OR2M3: variants seen among roughly 807,000 people sequenced by gnomAD.
The protein encoded by OR2M3 is olfactory receptor family 2 subfamily M member 3.
A neutral mutation model predicts 4.3 loss-of-function variants in OR2M3; 1 was observed. That is an observed-to-expected ratio of 0.23 (90% confidence interval 0.08 to 1.11). The LOEUF (loss-of-function observed/expected upper bound fraction) is 1.11. Among genes scored for constraint, OR2M3 ranks in the 50% most tolerant of loss-of-function variants. The pLI is 0.54. For synonymous variants in OR2M3, 151 were observed against 139.4 expected (o/e 1.08, Z -0.59); for missense variants, 410 against 390.4 (o/e 1.05, Z -0.42).
rs1246423375 is a variant in OR2M3, at chr1:248,203,059, A to G, written c.-9A>G. The G allele has an allele frequency of 1.2e-6, 2 of 1,606,460 alleles. No individual in the cohort carries two copies. Among genetic ancestry groups the G allele is most frequent in the Non-Finnish European group, 1.7e-6 (2 of 1,176,234 alleles). Reference sequence around the variant, plus strand: ...GGTTTTGTGGTACTAGGTAAAAAGCATACACATCATGGCAAGGGAGAATTC... The same window carrying G: ...GGTTTTGTGGTACTAGGTAAAAAGCGTACACATCATGGCAAGGGAGAATTC... On this transcript the variant is annotated 5_prime_UTR_variant, in exon 2 of 2. Transcript: ENST00000641626.
intron 1 of OR2M3, among the ~76,000 whole-genome samples, chr1:248,202,540 A>C (rs79793908): frequency 0.011 from 1,742 of 152,280 alleles, 38 homozygotes; most frequent in African/African-American, 0.039. Flanking sequence ...TACTGTATAG[A>C]AAACTTACTA....
In OR2M3 at chr1:248,203,861, A is replaced by G. The variant is rs757901866; in HGVS notation, c.794A>G (p.Asp265Gly). Residue 265 changes from aspartate (D) to glycine (G), a missense_variant, in exon 2 of 2, where the codon GAT (aspartate) becomes GGT (glycine). Physicochemically the swap from Asp to Gly is moderately conservative, Grantham distance 94. Transcript: ENST00000641626. ...TTCATGTACATACGGCCCACATCTG[A>G]TCGCTCCCCAACACAGGACAAGATG... Reference protein sequence around the residue: ...ALFMYIRPTSDRSPTQDKMVS... With the variant: ...ALFMYIRPTSGRSPTQDKMVS... 5 of 1,613,404 alleles carry G rather than the reference A, an allele frequency of 3.1e-6. No homozygotes were observed. The highest frequency in any genetic ancestry group is 4.2e-6 in the Non-Finnish European group (5 of 1,179,792).
Position 248,204,026 on chromosome 1 carries a change from G to A in OR2M3, c.*20G>A. On this transcript the variant is annotated 3_prime_UTR_variant, in exon 2 of 2. Coordinates refer to ENST00000641626, the MANE Select transcript of OR2M3 (RefSeq NM_001004689.2). ...GAGTGAGTTACCTAATAAACTTCAT[G>A]TTTTGCTGTGTGCTAAATCCTTTTT... is the stretch of plus-strand genomic sequence containing the variant. 1 of 1,611,998 alleles carries A rather than the reference G, an allele frequency of 6.2e-7. No individual in the cohort carries two copies. The highest frequency in any genetic ancestry group is 8.5e-7 in the Non-Finnish European group (1 of 1,178,384).
chr1:248,209,765 G>T lies in OR2M3; in HGVS notation c.*5759G>T, dbSNP rs1005501635. ...TTTTGTTTATTGTGCTGCTTGTTTT[G>T]TTGGCCTTCAGCCAGGAGGTAGTGC... On this transcript the variant is annotated 3_prime_UTR_variant, in exon 2 of 2. Transcript: ENST00000641626. The T allele has an allele frequency of 6.6e-6, 1 of 152,462 alleles. No individual in the cohort carries two copies. Among genetic ancestry groups the T allele is most frequent in the Non-Finnish European group, 1.5e-5 (1 of 68,270 alleles). 9.4% of individuals were successfully genotyped at this position (152,462 alleles called of 1,614,324 possible). A position where few individuals can be genotyped will look rare whatever the true frequency, so the allele number is the denominator to read the frequency against.
rs1183451646 is a variant in OR2M3, at chr1:248,204,842, G to C, written c.*836G>C. ...AGATCAAAAGGTAGATCCACTTTTA[G>C]TTCTTTAAGGAATGTTCACACTGTT... On this transcript the variant is annotated 3_prime_UTR_variant, in exon 2 of 2. Transcript: ENST00000641626. 2 of 151,732 alleles carry C rather than the reference G, an allele frequency of 1.3e-5. No individual in the cohort carries two copies. Among genetic ancestry groups the C allele is most frequent in the Non-Finnish European group, 2.9e-5 (2 of 67,962 alleles). The allele number at this position is 151,732 out of a possible 1,614,324, so 9.4% of individuals were successfully genotyped here.
In OR2M3 at chr1:248,203,535, A is replaced by G; in HGVS notation, c.468A>G (p.Gly156=). 6.2e-7 allele frequency: 1 copy of G among 1,613,552 alleles called. No individual in the cohort carries two copies. Among genetic ancestry groups the G allele is most frequent in the Non-Finnish European group, 8.5e-7 (1 of 1,179,758 alleles). The change falls in exon 2 of 2, where the codon GGA becomes GGG. Residue 156 remains glycine (G), a synonymous_variant. Coordinates refer to ENST00000641626, the MANE Select transcript of OR2M3 (RefSeq NM_001004689.2). ...CCTGGATCCTGGGCTCTACGGATGG[A>G]ATTATTGATGTTGTAGCAACATTTT... ...AFSWILGSTD[G]IIDVVATFSF...
chr1:248,198,491 G>A (rs758803412), intron 1 of OR2M3, among the ~76,000 whole-genome samples: 10 of 152,074 alleles, frequency 6.6e-5, no homozygotes, highest in Non-Finnish European at 1.2e-4. Flanking sequence ...TTGTTGTTTT[G>A]TGTTGTTTCC....
intron 1 of OR2M3, among the ~76,000 whole-genome samples, chr1:248,200,198 T>C (rs997872910): frequency 9.2e-5 from 14 of 152,092 alleles, no homozygotes; most frequent in Non-Finnish European, 2.9e-5. Flanking sequence ...GGTAATATAG[T>C]TTTGTTTGCA....
intron 1 of OR2M3, among the ~76,000 whole-genome samples, chr1:248,198,531 C>G (rs1269929064): frequency 6.6e-6 from 1 of 152,082 alleles, no homozygotes; most frequent in African/African-American, 2.4e-5. Context: ...AGGGTAAAGT[C>G]AGTTTAGCAA....
rs1336212185 is a variant in OR2M3 at position 248,212,769 on chromosome 1, T to C, written c.*8763T>C. 1 of 152,072 alleles carries C rather than the reference T, an allele frequency of 6.6e-6. No homozygotes were observed. The highest frequency in any genetic ancestry group is 2.4e-5 in the African/African-American group (1 of 41,436). 9.4% of individuals were successfully genotyped at this position (152,072 alleles called of 1,614,324 possible). A position where few individuals can be genotyped will look rare whatever the true frequency, so the allele number is the denominator to read the frequency against. On this transcript the variant is annotated 3_prime_UTR_variant, in exon 2 of 2. Coordinates refer to ENST00000641626, the MANE Select transcript of OR2M3 (RefSeq NM_001004689.2). ...TGTCTTTGTTTCCAGTCTCACCTAC[T>C]TTCAGCAGACAGGACAATATTTATT... is the stretch of plus-strand genomic sequence containing the variant.
At chr1:248,201,449 T>TTTA (rs1477575161) in intron 1 of OR2M3, among the ~76,000 whole-genome samples, 1 of 152,090 alleles carries the variant, frequency 6.6e-6, no homozygotes, top group Admixed American at 6.6e-5. Context: ...TTTTATTATT[T>TTTA]TTATTATTAT....
Position 248,212,881 on chromosome 1 carries a change from C to T in OR2M3, c.*8875C>T, listed in dbSNP as rs1008100475. The T allele has an allele frequency of 1.3e-5, 2 of 151,530 alleles. No individual in the cohort carries two copies. Among genetic ancestry groups the T allele is most frequent in the African/African-American group, 4.9e-5 (2 of 41,208 alleles). The allele number at this position is 151,530 out of a possible 1,614,324, so 9.4% of individuals were successfully genotyped here. On this transcript the variant is annotated 3_prime_UTR_variant, in exon 2 of 2. Transcript: ENST00000641626. ...CTAATAATTTAACATGTTTTTACAT[C>T]ATTTTGTTTTATTCATATTATAAAG...
intron 1 of OR2M3, among the ~76,000 whole-genome samples, chr1:248,198,719 T>A (rs1427640516): frequency 6.6e-6 from 1 of 152,148 alleles, no homozygotes; most frequent in Non-Finnish European, 1.5e-5. Flanking sequence ...AGGTGTAGAG[T>A]ATCACAGTGT....
rs1054040348 is a variant in OR2M3 at position 248,206,790 on chromosome 1, C to T, written c.*2784C>T. On this transcript the variant is annotated 3_prime_UTR_variant, in exon 2 of 2. Coordinates refer to ENST00000641626, the MANE Select transcript of OR2M3 (RefSeq NM_001004689.2). ...CTGTAGTTTTCTTTTTTTGTTATGT[C>T]TTTCACTGGTTTTGGTATTAGGGTG... 2.0e-5 allele frequency: 3 copies of T among 151,740 alleles called. No homozygotes were observed. Among genetic ancestry groups the T allele is most frequent in the Non-Finnish European group, 4.4e-5 (3 of 67,846 alleles). 9.4% of individuals were successfully genotyped at this position (151,740 alleles called of 1,614,324 possible). A position where few individuals can be genotyped will look rare whatever the true frequency, so the allele number is the denominator to read the frequency against.
chr1:248,199,027 T>G (rs1430905091), intron 1 of OR2M3, among the ~76,000 whole-genome samples: 1 of 152,130 alleles, frequency 6.6e-6, no homozygotes, highest in Non-Finnish European at 1.5e-5. Context: ...TGTGATGAAA[T>G]CTGATGAGTC....
At chr1:248,201,548 A>C (rs991334183) in intron 1 of OR2M3, among the ~76,000 whole-genome samples, 1 of 151,382 alleles carries the variant, frequency 6.6e-6, no homozygotes, top group Non-Finnish European at 1.5e-5. Context: ...GCACCCATTA[A>C]CTCGTCATTT....
Position 248,203,761 on chromosome 1 carries a change from G to A in OR2M3, c.694G>A (p.Glu232Lys). 6.2e-7 allele frequency: 1 copy of A among 1,612,480 alleles called. No individual in the cohort carries two copies. Among genetic ancestry groups the A allele is most frequent in the Non-Finnish European group, 8.5e-7 (1 of 1,179,810 alleles). ...ILAVIHMGSG[E>K]GRRKAFTTCS... ...GGCTGTCATTCACATGGGATCTGGA[G>A]AGGGTCGTCGCAAAGCTTTTACTAC... Residue 232 changes from glutamate (E) to lysine (K), a missense_variant, in exon 2 of 2, where the codon GAG (glutamate) becomes AAG (lysine). By Grantham distance (56) the Glu-to-Lys change is moderately conservative. Coordinates refer to ENST00000641626, the MANE Select transcript of OR2M3 (RefSeq NM_001004689.2).
chr1:248,201,765 G>A (rs1457071021), intron 1 of OR2M3, among the ~76,000 whole-genome samples: 1 of 152,044 alleles, frequency 6.6e-6, no homozygotes, highest in Admixed American at 6.6e-5. Flanking sequence ...TCCCTATAAA[G>A]GACATGAACT....
At position 248,203,856 on chromosome 1, in the gene OR2M3, A is replaced by G; in HGVS notation, c.789A>G (p.Thr263=). The G allele has an allele frequency of 6.2e-7, 1 of 1,613,776 alleles. No individual in the cohort carries two copies. The change falls in exon 2 of 2, where the codon ACA becomes ACG. Residue 263 remains threonine (T), a synonymous_variant. Coordinates refer to ENST00000641626, the MANE Select transcript of OR2M3 (RefSeq NM_001004689.2). ...GAALFMYIRP[T]SDRSPTQDKM... ...CTTTGTTCATGTACATACGGCCCAC[A>G]TCTGATCGCTCCCCAACACAGGACA...
Sources: allele counts gnomAD v4.1 joint callset (sites outside exome capture counted in the v4.1 genomes callset), GRCh38; gene constraint gnomAD v4.1.1; transcripts MANE v1.5; gene names NCBI Gene and HGNC (gene_info 2026-07-23, HGNC 2026-07-21).